MMP26: variants seen among roughly 807,000 people sequenced by gnomAD.
The protein encoded by MMP26 is matrix metallopeptidase 26, also known as matrix metalloproteinase-26.
MMP26 carries 33 observed loss-of-function variants against 31.0 expected under a neutral mutation model. That is an observed-to-expected ratio of 1.06 (90% CI 0.81 to 1.42). The LOEUF is 1.42. Among genes scored for constraint, MMP26 ranks in the 40% most tolerant of loss-of-function variants. The pLI is 0.00. For missense variants in MMP26, 347 were observed against 316.1 expected (o/e 1.10, Z -0.74); for synonymous variants, 122 against 114.9 (o/e 1.06, Z -0.40).
At chr11:4,773,867 C>A (rs1848758091) in intron 2 of MMP26, among the ~76,000 whole-genome samples, 1 of 152,122 alleles carries the variant, frequency 6.6e-6, no homozygotes. Context: ...TCAGCTCCCA[C>A]TTATAAGTGA....
chr11:4,771,855 T>C (rs757799482), intron 2 of MMP26, among the ~76,000 whole-genome samples: 10 of 152,148 alleles, frequency 6.6e-5, no homozygotes, highest in Non-Finnish European at 1.5e-5. Flanking sequence ...TGTGGATCGA[T>C]GAGGACAGGG....
Position 4,798,280 on chromosome 11 carries a change from G to A in MMP26, c.-145+30939G>A, listed in dbSNP as rs1849134885. Among the ~76,000 whole-genome samples the A allele has an allele frequency of 2.0e-5, 3 of 152,248 alleles. No individual in the cohort carries two copies. The South Asian group carries it at 6.2e-4, about 32-fold the overall frequency. ...TTCTTTCCTTCCACCTCTGGCCTCA[G>A]AAGACAGAGCAGGATGAGCCAGTGA... is the stretch of plus-strand genomic sequence containing the variant. On this transcript the variant is annotated intron_variant, in intron 2 of 7. Transcript: ENST00000380390.
intron 2 of MMP26, among the ~76,000 whole-genome samples, chr11:4,808,694 T>C (rs986621902): frequency 6.6e-6 from 1 of 151,836 alleles, no homozygotes; most frequent in African/African-American, 2.4e-5. Flanking sequence ...AGCTTCCCCA[T>C]GAAGTTATGT....
intron 1 of MMP26, chr11:4,723,359 C>T: frequency 1.0e-6 from 1 of 970,072 alleles, no homozygotes; most frequent in East Asian, 2.4e-5. Context: ...TCAGCCTCCG[C>T]CCGGCTGCGG....
chr11:4,882,821 C>A, intron 2 of MMP26: 1 of 1,613,848 alleles, frequency 6.2e-7, no homozygotes, highest in South Asian at 1.1e-5. Context: ...TATGTTCCAG[C>A]TGCTCCAATC....
chr11:4,970,248 T>C (rs1270257478), intron 2 of MMP26, among the ~76,000 whole-genome samples: 1 of 152,236 alleles, frequency 6.6e-6, no homozygotes, highest in East Asian at 1.9e-4. Flanking sequence ...GGTTACTGAC[T>C]CAATAAGGTC....
chr11:4,825,846 A>G (rs1269679001), intron 2 of MMP26, among the ~76,000 whole-genome samples: 1 of 152,178 alleles, frequency 6.6e-6, no homozygotes, highest in African/African-American at 2.4e-5. Context: ...AAAGAATAAG[A>G]TGATAGAAAA....
In MMP26 at chr11:4,908,342, A is replaced by C. The variant is rs762711747; in HGVS notation, c.-144-79726A>C. On this transcript the variant is annotated intron_variant, in intron 2 of 7. Coordinates refer to ENST00000380390, the MANE Select transcript of MMP26 (RefSeq NM_021801.5). Reference sequence around the variant, plus strand: ...ACAATTAGGTAATAAATTATCAACCAGTAGGCATTTACTGTCATTTGCTAT... The same window carrying C: ...ACAATTAGGTAATAAATTATCAACCCGTAGGCATTTACTGTCATTTGCTAT... 3.2e-6 allele frequency: 5 copies of C among 1,565,826 alleles called. No homozygotes were observed. In the South Asian group the frequency reaches 5.6e-5, roughly 17 times the overall value.
chr11:4,975,152 A>T (rs1846720761), intron 2 of MMP26, among the ~76,000 whole-genome samples: 1 of 152,102 alleles, frequency 6.6e-6, no homozygotes, highest in Non-Finnish European at 1.5e-5. Context: ...GACGTTCTGG[A>T]TTTAATAAGA....
Position 4,946,637 on chromosome 11 carries a change from A to C in MMP26, c.-144-41431A>C, listed in dbSNP as rs1369580948. The stretch of plus-strand genomic sequence containing the variant: ...GAAAGGGAAGGGAAGAACCAGGAGC[A>C]TGCTCTTAAAGGAGAATACTATCCC... On this transcript the variant is annotated intron_variant, in intron 2 of 7. Transcript: ENST00000380390. 16 of 1,581,892 alleles carry C rather than the reference A, an allele frequency of 1.0e-5. No individual in the cohort carries two copies. The highest frequency in any genetic ancestry group is 1.3e-5 in the Non-Finnish European group (15 of 1,153,602).
chr11:4,730,265 G>A (rs1164583654), intron 1 of MMP26, among the ~76,000 whole-genome samples: 1 of 152,188 alleles, frequency 6.6e-6, no homozygotes, highest in Admixed American at 6.5e-5. Context: ...TGGGATAGGT[G>A]CAACCTGATT....
chr11:4,891,746 G>A (rs1489900679), intron 2 of MMP26, among the ~76,000 whole-genome samples: 3 of 152,136 alleles, frequency 2.0e-5, no homozygotes, highest in Admixed American at 1.3e-4. Flanking sequence ...GAGGATGGGA[G>A]GAAAGAAGAG....
chr11:4,925,967 T>C, intron 2 of MMP26, among the ~76,000 whole-genome samples: 1 of 152,094 alleles, frequency 6.6e-6, no homozygotes, highest in Non-Finnish European at 1.5e-5. Context: ...CATTTCCCTC[T>C]GAGAGAAAAT....
chr11:4,721,003 G>T (rs952888792), intron 1 of MMP26, among the ~76,000 whole-genome samples: 3 of 152,346 alleles, frequency 2.0e-5, no homozygotes, highest in Admixed American at 6.5e-5. Flanking sequence ...TGATGGCACT[G>T]ATAGGGACAA....
At chr11:4,737,302 G>A (rs181863251) in intron 1 of MMP26, among the ~76,000 whole-genome samples, 2 of 151,948 alleles carry the variant, frequency 1.3e-5, no homozygotes, top group Non-Finnish European at 2.9e-5. Flanking sequence ...TCCTCTTCAT[G>A]ATTCTTGTTT....
intron 2 of MMP26, among the ~76,000 whole-genome samples, chr11:4,883,741 C>T (rs562484027): frequency 9.2e-5 from 14 of 152,208 alleles, no homozygotes; most frequent in Non-Finnish European, 1.8e-4. Context: ...TGCACAGTAG[C>T]TTTGATGCTT....
chr11:4,859,044 C>T (rs960413455), intron 2 of MMP26, among the ~76,000 whole-genome samples: 1 of 152,092 alleles, frequency 6.6e-6, no homozygotes, highest in East Asian at 1.9e-4. Flanking sequence ...ACTGGATCCC[C>T]TCCTTACACC....
intron 2 of MMP26, chr11:4,943,426 G>A (rs1435025525): frequency 4.4e-6 from 2 of 454,728 alleles, no homozygotes; most frequent in African/African-American, 4.0e-5. Flanking sequence ...TGAGCTCAAG[G>A]TAATTTGTTT....
intron 1 of MMP26, among the ~76,000 whole-genome samples, chr11:4,725,331 A>T (rs1848084928): frequency 6.6e-6 from 1 of 152,292 alleles, no homozygotes; most frequent in South Asian, 2.1e-4. Context: ...TTTCCTACTA[A>T]TCTGCATGCC....
Sources: allele counts gnomAD v4.1 joint callset (sites outside exome capture counted in the v4.1 genomes callset), GRCh38; gene constraint gnomAD v4.1.1; transcripts MANE v1.5; gene names NCBI Gene and HGNC (gene_info 2026-07-23, HGNC 2026-07-21).